The following NINL variants were observed in gnomAD, a reference collection of about 807,000 sequenced individuals.
NINL encodes ninein-like protein.
Under a neutral mutation model 160.3 loss-of-function variants are expected in NINL, and 153 were observed. That is an observed-to-expected ratio of 0.95 (90% CI 0.84 to 1.09). NINL has a LOEUF of 1.09. NINL is among the 50% of genes least tolerant of loss of function. The probability of loss-of-function intolerance (pLI) is 0.00; values close to 1 mark genes in which losing one functional copy is unlikely to be tolerated. For missense variants in NINL, 1,829 were observed against 1,764.0 expected, an observed-to-expected ratio of 1.04 and a Z score of -0.66; for synonymous variants, 800 against 734.8, an observed-to-expected ratio of 1.09 and a Z score of -1.43.
At chr20:25,479,701 T>C (rs2063346169) in intron 15 of NINL, among the ~76,000 whole-genome samples, 2 of 152,218 alleles carry the variant, frequency 1.3e-5, no homozygotes, top group Non-Finnish European at 1.5e-5. Flanking sequence ...ATGGACACTG[T>C]CCCTCAAAAG....
rs2063359561 is a variant in NINL at position 25,480,269 on chromosome 20, T to C, written c.1811-2A>G. The C allele has an allele frequency of 1.2e-6, 2 of 1,612,984 alleles. No homozygotes were observed. The highest frequency in any genetic ancestry group is 1.7e-6 in the Non-Finnish European group (2 of 1,179,104). Reference sequence around the variant, plus strand: ...CAGAATTACCCAGGAATGAAATGCCTGCAAACAAGAGGCCACTTCCGTTTG... The same window carrying C: ...CAGAATTACCCAGGAATGAAATGCCCGCAAACAAGAGGCCACTTCCGTTTG... On this transcript the variant is annotated splice_acceptor_variant, in intron 14 of 23. Transcript: ENST00000278886. LOFTEE classifies it high-confidence loss of function.
intron 1 of NINL, among the ~76,000 whole-genome samples, chr20:25,582,766 C>T (rs537996884): frequency 6.6e-6 from 1 of 152,172 alleles, no homozygotes; most frequent in East Asian, 1.9e-4. Flanking sequence ...AACTGCTAGG[C>T]TGCTGATTCA....
chr20:25,549,014 A>G (rs78482507), intron 1 of NINL, among the ~76,000 whole-genome samples: 3,339 of 115,046 alleles, frequency 0.029, 372 homozygotes, highest in African/African-American at 0.078. Context: ...GGCTGACCCC[A>G]GTACCCACAG....
chr20:25,553,106 T>TTTTTC lies in NINL; in HGVS notation c.-11-26509_-11-26508insGAAAA, dbSNP rs1438567397. The stretch of plus-strand genomic sequence containing the variant: ...AAGTTACTTCTCACCCTTGTTGGGT[T>TTTTTC]TTTTTTTTTTTTTTTGGAGATGGGG... On this transcript the variant is annotated intron_variant, in intron 1 of 23. Transcript: ENST00000278886. 1.4e-3 allele frequency among the ~76,000 whole-genome samples: 192 copies of TTTTTC among 139,534 alleles called. 4 individuals are homozygous for TTTTTC. The highest frequency in any genetic ancestry group is 4.8e-3 in the African/African-American group (181 of 37,676). 91.5% of individuals were successfully genotyped at this position (139,534 alleles called of 152,430 possible).
chr20:25,461,721 G>A, intron 20 of NINL, 86 bp from the exon 21 acceptor site: 4 of 942,528 alleles, frequency 4.2e-6, no homozygotes, highest in Admixed American at 4.7e-5. Flanking sequence ...GAAAATTACA[G>A]AAAAGAAAAA....
chr20:25,550,684 T>C (rs1455847809), intron 1 of NINL, among the ~76,000 whole-genome samples: 1 of 152,182 alleles, frequency 6.6e-6, no homozygotes. Context: ...AGATTTATGT[T>C]TGACTTTACA....
In NINL at chr20:25,479,097, T is replaced by C. The variant is rs748119341; in HGVS notation, c.2027A>G (p.Lys676Arg). 6.2e-7 allele frequency: 1 copy of C among 1,613,642 alleles called. No homozygotes were observed. The highest frequency in any genetic ancestry group is 8.5e-7 in the Non-Finnish European group (1 of 1,180,020). ...CTCGTGGAGCTCCTCCAGGTCGGCC[T>C]TCTGACCCTCCAGCACGCTGACCTC... ...RREVSVLEGQ[K>R]ADLEELHEKS... The change falls in exon 16 of 24, where the codon AAG becomes AGG. Residue 676 changes from lysine (K) to arginine (R), a missense_variant. By Grantham distance (26) the Lys-to-Arg change is conservative (BLOSUM62 2). Coordinates refer to ENST00000278886, the MANE Select transcript of NINL (RefSeq NM_025176.6).
intron 13 of NINL, among the ~76,000 whole-genome samples, chr20:25,486,654 G>T (rs1326304244): frequency 4.6e-5 from 7 of 152,194 alleles, no homozygotes; most frequent in Admixed American, 4.6e-4. Flanking sequence ...GACGTGCAGG[G>T]AACAACGGCA....
intron 22 of NINL, among the ~76,000 whole-genome samples, chr20:25,457,280 C>T (rs1280037024): frequency 1.3e-5 from 2 of 152,148 alleles, no homozygotes; most frequent in Admixed American, 1.3e-4. Context: ...GCCAAGATTA[C>T]GCCACTGCAC....
chr20:25,478,909 G>A lies in NINL; in HGVS notation c.2201+14C>T. 1 of 1,493,800 alleles carries A rather than the reference G, an allele frequency of 6.7e-7. No homozygotes were observed. Among genetic ancestry groups the A allele is most frequent in the Non-Finnish European group, 8.9e-7 (1 of 1,125,722 alleles). 92.5% of individuals were successfully genotyped at this position (1,493,800 alleles called of 1,614,324 possible). On this transcript the variant is annotated intron_variant, in intron 16 of 23. Coordinates refer to ENST00000278886, the MANE Select transcript of NINL (RefSeq NM_025176.6). Reference sequence around the variant, plus strand: ...AAACCCCAGACTTGAAATCTCAAAAGAAGCTGGCTGGACCTGATCTGCTGC... The same window carrying A: ...AAACCCCAGACTTGAAATCTCAAAAAAAGCTGGCTGGACCTGATCTGCTGC...
chr20:25,484,831 A>G (rs1420174777), intron 13 of NINL, among the ~76,000 whole-genome samples: 2 of 152,366 alleles, frequency 1.3e-5, no homozygotes, highest in Non-Finnish European at 2.9e-5. Context: ...GTATATTTGC[A>G]TGGTCTTAAA....
intron 2 of NINL, among the ~76,000 whole-genome samples, chr20:25,524,925 G>A (rs867098101): frequency 5.5e-4 from 60 of 109,460 alleles, no homozygotes; most frequent in African/African-American, 1.0e-3. Context: ...ATATATATAT[G>A]TGTGTGTATA....
At chr20:25,544,346 G>C (rs113092851) in intron 1 of NINL, among the ~76,000 whole-genome samples, 3,186 of 152,132 alleles carry the variant, frequency 0.021, 99 homozygotes, top group African/African-American at 0.072. Flanking sequence ...AATGAAGGAA[G>C]GGATCTTTCA....
intron 2 of NINL, among the ~76,000 whole-genome samples, chr20:25,524,948 A>ATAT (rs2064331610): frequency 1.4e-5 from 2 of 144,866 alleles, no homozygotes; most frequent in African/African-American, 5.2e-5. Flanking sequence ...TATATATATA[A>ATAT]ATAAATAAAC....
rs193036996 is a variant in NINL at position 25,487,751 on chromosome 20, T to C, written c.1677+1493A>G. On this transcript the variant is annotated intron_variant, in intron 13 of 23. Coordinates refer to ENST00000278886, the MANE Select transcript of NINL (RefSeq NM_025176.6). ...TTGTTAATAATCGACCCAACTCAACTCTAGTTTGTTTTCTTCTACACAGAA... is the reference window on the plus strand; with the variant it reads ...TTGTTAATAATCGACCCAACTCAACCCTAGTTTGTTTTCTTCTACACAGAA... Among the ~76,000 whole-genome samples the C allele has an allele frequency of 1.7e-4, 26 of 152,298 alleles. No homozygotes were observed. The East Asian group carries it at 4.6e-3, about 27-fold the overall frequency.
chr20:25,473,190 G>A (rs964374190), intron 17 of NINL, among the ~76,000 whole-genome samples: 5 of 152,266 alleles, frequency 3.3e-5, no homozygotes, highest in East Asian at 1.9e-4. Flanking sequence ...TGGTTACCCC[G>A]GGGACTCTGG....
rs755670666 is a variant in NINL at position 25,491,379 on chromosome 20, A to G, written c.1457T>C (p.Leu486Pro). The G allele has an allele frequency of 6.2e-7, 1 of 1,610,876 alleles. No homozygotes were observed. The highest frequency in any genetic ancestry group is 1.7e-5 in the Admixed American group (1 of 59,994). ...VGRLQAEEAG[L>P]REKLTLALKE... ...CAGGGCCAGGGTCAGCTTCTCGCGG[A>G]GGCCAGCCTCCTCAGCCTGCAGGCG... Residue 486 changes from leucine (L) to proline (P), a missense_variant, in exon 11 of 24, where the codon CTC becomes CCC. Physicochemically the swap from Leu to Pro is moderately conservative, Grantham distance 98. Transcript: ENST00000278886.
intron 1 of NINL, among the ~76,000 whole-genome samples, chr20:25,581,859 C>G (rs974093210): frequency 1.5e-5 from 2 of 133,386 alleles, no homozygotes; most frequent in Non-Finnish European, 3.4e-5. Context: ...ATGACCATAT[C>G]AATTCACCCA....
At chr20:25,556,833 C>T (rs1270337677) in intron 1 of NINL, among the ~76,000 whole-genome samples, 2 of 152,176 alleles carry the variant, frequency 1.3e-5, no homozygotes, top group East Asian at 3.9e-4. Flanking sequence ...ATAATCCTAC[C>T]AAACTGATCT....
Sources: gnomAD v4.1 joint callset for allele counts (sites outside exome capture counted in the v4.1 genomes callset) on GRCh38, gnomAD v4.1.1 for gene constraint, MANE v1.5 for transcripts, NCBI Gene and HGNC (gene_info 2026-07-23, HGNC 2026-07-21) for gene names.